Variants in AGTPBP1 observed in about 807,000 individuals in gnomAD.
AGTPBP1 encodes cytosolic carboxypeptidase 1.
Under a neutral mutation model 143.9 loss-of-function variants are expected in AGTPBP1, and 70 were observed. The observed-to-expected ratio is 0.49, with a 90% CI of 0.40 to 0.59. The LOEUF (loss-of-function observed/expected upper bound fraction) is 0.59. AGTPBP1 is among the 20% of genes least tolerant of loss of function. The pLI is 0.00. For synonymous variants in AGTPBP1, 463 were observed against 500.2 expected, an observed-to-expected ratio of 0.93 and a Z score of 0.99; for missense variants, 1,229 against 1,464.5, an observed-to-expected ratio of 0.84 and a Z score of 2.62.
intron 6 of AGTPBP1, among the ~76,000 whole-genome samples, chr9:85,674,063 C>T (rs1834666381): frequency 6.8e-6 from 1 of 147,276 alleles, no homozygotes; most frequent in Non-Finnish European, 1.5e-5. Flanking sequence ...GAGGAGCTTG[C>T]AGTGAGCCGA....
chr9:85,746,446 A>AC (rs761853423), upstream of AGTPBP1, among the ~76,000 whole-genome samples: 11 of 151,986 alleles, frequency 7.2e-5, no homozygotes, highest in South Asian at 4.2e-4. Flanking sequence ...ACATAGTGAG[A>AC]CCCCCCACAT....
At chr9:85,757,286 C>T in the AGTPBP1 span, among the ~76,000 whole-genome samples, 2,020 of 152,106 alleles carry the variant, frequency 0.013, 23 homozygotes, top group Non-Finnish European at 0.021. Context: ...AGACTGGTCT[C>T]GAACTTCTGA....
chr9:85,741,590 A>G, intron 1 of AGTPBP1, 185 bp downstream of exon 1: 1 of 985,378 alleles, frequency 1.0e-6, no homozygotes, highest in Non-Finnish European at 1.2e-6. Context: ...GCTTTCCCTC[A>G]AGACCGAGTG....
the AGTPBP1 span, among the ~76,000 whole-genome samples, chr9:85,771,652 C>CT: frequency 0.014 from 1,848 of 136,170 alleles, 32 homozygotes; most frequent in African/African-American, 0.041. Context: ...ACATAGATAA[C>CT]TTTTTTTTTT....
chr9:85,800,925 G>C, the AGTPBP1 span, among the ~76,000 whole-genome samples: 1 of 151,796 alleles, frequency 6.6e-6, no homozygotes, highest in Non-Finnish European at 1.5e-5. Flanking sequence ...CCAAGCTACA[G>C]GTAATCTTAT....
chr9:85,548,736 T>C (rs1825873707), intron 25 of AGTPBP1, among the ~76,000 whole-genome samples: 1 of 151,600 alleles, frequency 6.6e-6, no homozygotes, highest in African/African-American at 2.4e-5. Context: ...AGTGCAGTGG[T>C]GTGATCTCGA....
chr9:85,589,247 T>C (rs1342686933), intron 20 of AGTPBP1, among the ~76,000 whole-genome samples: 1 of 152,124 alleles, frequency 6.6e-6, no homozygotes, highest in Non-Finnish European at 1.5e-5. Context: ...TTAAAATAAT[T>C]TGTTGTATTC....
At chr9:85,746,907 G>A (rs376546744), upstream of AGTPBP1, among the ~76,000 whole-genome samples, 7 of 152,158 alleles carry the variant, frequency 4.6e-5, no homozygotes, top group South Asian at 4.2e-4. Flanking sequence ...CTCTGGAAGT[G>A]CGGTGGCATG....
chr9:85,734,061 G>T (rs892587626), intron 1 of AGTPBP1, among the ~76,000 whole-genome samples: 1 of 152,164 alleles, frequency 6.6e-6, no homozygotes, highest in African/African-American at 2.4e-5. Context: ...AGACCAGCCT[G>T]GCCAACATGG....
chr9:85,790,617 C>T, the AGTPBP1 span, among the ~76,000 whole-genome samples: 2 of 152,280 alleles, frequency 1.3e-5, no homozygotes, highest in East Asian at 3.9e-4. Flanking sequence ...GCATAGTTCT[C>T]ATTTGTCTGT....
At chr9:85,558,125 T>C (rs370687321) in intron 25 of AGTPBP1, among the ~76,000 whole-genome samples, 2 of 152,222 alleles carry the variant, frequency 1.3e-5, no homozygotes, top group South Asian at 2.1e-4. Context: ...CAATTTCTCA[T>C]CAAATTTTCT....
chr9:85,598,965 G>A (rs1378593224), intron 17 of AGTPBP1, among the ~76,000 whole-genome samples: 3 of 151,984 alleles, frequency 2.0e-5, no homozygotes, highest in African/African-American at 4.8e-5. Context: ...CAGGTCATCC[G>A]CCCGCCTCGG....
intron 1 of AGTPBP1, among the ~76,000 whole-genome samples, chr9:85,720,626 T>C (rs1656210865): frequency 6.6e-6 from 1 of 152,112 alleles, no homozygotes; most frequent in Non-Finnish European, 1.5e-5. Context: ...GATTCATTGA[T>C]TTTTTTAAGG....
At chr9:85,794,509 T>C in the AGTPBP1 span, among the ~76,000 whole-genome samples, 1 of 152,206 alleles carries the variant, frequency 6.6e-6, no homozygotes, top group Non-Finnish European at 1.5e-5. Flanking sequence ...ATTCCACTGG[T>C]CTATATGTCT....
chr9:85,723,521 T>C (rs764259298), intron 1 of AGTPBP1, among the ~76,000 whole-genome samples: 21 of 152,324 alleles, frequency 1.4e-4, no homozygotes, highest in Non-Finnish European at 2.6e-4. Context: ...GGGAATTTCC[T>C]GGTCTGTGGG....
At chr9:85,701,292 C>T (rs1400640107) in intron 2 of AGTPBP1, among the ~76,000 whole-genome samples, 2 of 150,446 alleles carry the variant, frequency 1.3e-5, no homozygotes, top group Admixed American at 6.7e-5. Flanking sequence ...GACAGTGGTG[C>T]AATCTTGGCT....
At chr9:85,609,290 CTTTT>C (rs71370873) in intron 17 of AGTPBP1, among the ~76,000 whole-genome samples, 3 of 134,258 alleles carry the variant, frequency 2.2e-5, no homozygotes, top group Non-Finnish European at 1.6e-5. Context: ...GTGTACAGAT[CTTTT>C]TTTTTTTTTT....
At chr9:85,662,240 G>C (rs888861498) in intron 8 of AGTPBP1, among the ~76,000 whole-genome samples, 3 of 152,128 alleles carry the variant, frequency 2.0e-5, no homozygotes, top group African/African-American at 7.2e-5. Flanking sequence ...CAAATGCCCA[G>C]TAAGAGGAAG....
chr9:85,696,368 T>TA (rs1166069128), intron 2 of AGTPBP1, among the ~76,000 whole-genome samples: 2 of 152,124 alleles, frequency 1.3e-5, no homozygotes, highest in Non-Finnish European at 2.9e-5. Context: ...TAATATTGTG[T>TA]AAAAAATGTG....
Sources: gnomAD v4.1 joint callset for allele counts (sites outside exome capture counted in the v4.1 genomes callset) on GRCh38, gnomAD v4.1.1 for gene constraint, MANE v1.5 for transcripts, NCBI Gene and HGNC (gene_info 2026-07-23, HGNC 2026-07-21) for gene names.